The following STK3 variants were observed in gnomAD, a reference collection of about 807,000 sequenced individuals.
The protein encoded by STK3 is serine/threonine kinase 3.
Under a neutral mutation model 58.0 loss-of-function variants are expected in STK3, and 41 were observed. The ratio of observed to expected loss-of-function variants is 0.71; its 90% CI spans 0.55 to 0.92. The LOEUF (loss-of-function observed/expected upper bound fraction) is 0.92. Among genes scored for constraint, STK3 ranks in the 40% least tolerant of loss-of-function variants. The pLI is 0.00. For synonymous variants in STK3, 170 were observed against 191.0 expected (o/e 0.89, Z 0.91); for missense variants, 479 against 602.7 (o/e 0.79, Z 2.15).
At chr8:98,804,177 T>C (rs1198956320) in intron 1 of STK3, among the ~76,000 whole-genome samples, 3 of 152,108 alleles carry the variant, frequency 2.0e-5, no homozygotes. Flanking sequence ...AATTTTTGTA[T>C]TTTTAGTAGA....
chr8:98,706,607 T>A lies in STK3; in HGVS notation c.544A>T (p.Ile182Leu). 1 of 1,609,704 alleles carries A rather than the reference T, an allele frequency of 6.2e-7. No individual in the cohort carries two copies. The highest frequency in any genetic ancestry group is 8.5e-7 in the Non-Finnish European group (1 of 1,178,532). Residue 182 changes from isoleucine (I) to leucine (L), a missense_variant, in exon 6 of 11, where the codon ATA becomes TTA. Coordinates refer to ENST00000419617, the MANE Select transcript of STK3 (RefSeq NM_006281.4). ...GGAGCCATCCAAAATGGAGTTCCTA[T>A]TACAGTATTGCGTTTTGCCATTGTA... ...TDTMAKRNTV[I>L]GTPFWMAPEV... is the part of the protein sequence containing the mutation.
At chr8:98,701,808 C>G (rs1825647478) in intron 6 of STK3, among the ~76,000 whole-genome samples, 1 of 151,982 alleles carries the variant, frequency 6.6e-6, no homozygotes, top group Non-Finnish European at 1.5e-5. Context: ...TTCTATTTAT[C>G]TAACTGATCA....
chr8:98,799,017 T>C (rs1833353693), intron 1 of STK3, among the ~76,000 whole-genome samples: 1 of 152,192 alleles, frequency 6.6e-6, no homozygotes, highest in Non-Finnish European at 1.5e-5. Context: ...GGCAGCTTGA[T>C]CTTGGACTTC....
chr8:98,355,188 C>T, the STK3 span, among the ~76,000 whole-genome samples: 1 of 152,176 alleles, frequency 6.6e-6, no homozygotes, highest in Non-Finnish European at 1.5e-5. Context: ...CACTCCTTCT[C>T]CCTTGCCAAC....
chr8:98,614,996 C>T (rs181198287), intron 6 of STK3, among the ~76,000 whole-genome samples: 46 of 152,326 alleles, frequency 3.0e-4, no homozygotes, highest in Admixed American at 2.1e-3. Flanking sequence ...GTAAGCTCCA[C>T]GTCTAGGGGC....
chr8:98,826,979 C>A (rs1004286832), upstream of STK3, among the ~76,000 whole-genome samples: 2 of 133,496 alleles, frequency 1.5e-5, no homozygotes, highest in African/African-American at 5.9e-5. Flanking sequence ...ACCTTAAATT[C>A]CATATATACC....
intron 4 of STK3, among the ~76,000 whole-genome samples, chr8:98,714,854 G>A (rs1023813179): frequency 6.6e-6 from 1 of 152,166 alleles, no homozygotes; most frequent in South Asian, 2.1e-4. Context: ...AACAAAGCTG[G>A]AGGCATCACA....
At chr8:98,855,686 TG>T (rs1564063802) in intron 3 of STK3, among the ~76,000 whole-genome samples, 2 of 152,092 alleles carry the variant, frequency 1.3e-5, no homozygotes, top group Admixed American at 6.6e-5. Flanking sequence ...TAAGAACTTT[TG>T]TGTTGAGGGG....
intron 10 of STK3, among the ~76,000 whole-genome samples, chr8:98,461,890 G>A (rs983561879): frequency 3.9e-5 from 6 of 152,092 alleles, no homozygotes; most frequent in African/African-American, 9.7e-5. Context: ...GTTACATAAC[G>A]CTTTTGTCTC....
At chr8:98,453,808 C>A (rs1006904532), downstream of STK3, among the ~76,000 whole-genome samples, 2 of 152,102 alleles carry the variant, frequency 1.3e-5, no homozygotes, top group African/African-American at 4.8e-5. Flanking sequence ...GCTTGGATGA[C>A]AGCAAATCAG....
intron 6 of STK3, among the ~76,000 whole-genome samples, chr8:98,686,047 T>TTA (rs1188805896): frequency 1.3e-5 from 2 of 152,158 alleles, no homozygotes; most frequent in Non-Finnish European, 1.5e-5. Context: ...AACAAAACTC[T>TTA]TATCTACCCT....
chr8:98,766,089 C>G (rs566076773), intron 3 of STK3, among the ~76,000 whole-genome samples: 1 of 152,212 alleles, frequency 6.6e-6, no homozygotes, highest in Non-Finnish European at 1.5e-5. Context: ...ACCCAATTAA[C>G]TCTTCGTCAG....
At chr8:98,496,347 T>C (rs978207418) in intron 10 of STK3, among the ~76,000 whole-genome samples, 2 of 152,182 alleles carry the variant, frequency 1.3e-5, no homozygotes, top group African/African-American at 2.4e-5. Flanking sequence ...TAAATATCAA[T>C]TGTATTTCTA....
At chr8:98,790,028 CAAAAAAAAAA>C (rs530630466) in intron 1 of STK3, among the ~76,000 whole-genome samples, 2 of 88,712 alleles carry the variant, frequency 2.3e-5, no homozygotes, top group Admixed American at 1.3e-4. Flanking sequence ...GACTTCATCT[CAAAAAAAAAA>C]AAAAAAAAAG....
intron 6 of STK3, among the ~76,000 whole-genome samples, chr8:98,667,632 A>G (rs1822465582): frequency 6.6e-6 from 1 of 152,142 alleles, no homozygotes; most frequent in African/African-American, 2.4e-5. Flanking sequence ...AAGTCAAAAT[A>G]AGAAAAGAGA....
chr8:98,895,074 GCAAT>G (rs1838396810), intron 1 of STK3, among the ~76,000 whole-genome samples: 1 of 152,154 alleles, frequency 6.6e-6, no homozygotes, highest in Admixed American at 6.5e-5. Flanking sequence ...GAACTCAGGA[GCAAT>G]GGCACTGAAG....
intron 6 of STK3, among the ~76,000 whole-genome samples, chr8:98,652,551 G>C (rs1299732764): frequency 6.8e-6 from 1 of 147,106 alleles, no homozygotes; most frequent in African/African-American, 2.5e-5. Context: ...TGGATAAAGA[G>C]TCAAGACCCA....
chr8:98,801,813 C>T (rs977701488), intron 1 of STK3, among the ~76,000 whole-genome samples: 2 of 151,998 alleles, frequency 1.3e-5, no homozygotes, highest in African/African-American at 4.8e-5. Flanking sequence ...CAGTGACATC[C>T]AAATTCTCTA....
At chr8:98,375,261 A>C (rs1747235271) in intron 2 of STK3, among the ~76,000 whole-genome samples, 1 of 71,764 alleles carries the variant, frequency 1.4e-5, no homozygotes, top group Non-Finnish European at 3.4e-5. Context: ...TTTCCAAAAC[A>C]AAAAAAAAAC....
Sources: allele counts gnomAD v4.1 joint callset (sites outside exome capture counted in the v4.1 genomes callset), GRCh38; gene constraint gnomAD v4.1.1; transcripts MANE v1.5; gene names NCBI Gene and HGNC (gene_info 2026-07-23, HGNC 2026-07-21).